Variants in NRG3 observed in about 807,000 individuals in gnomAD.
NRG3 encodes neuregulin 3, also known as pro-neuregulin-3, membrane-bound isoform.
Under a neutral mutation model 66.9 loss-of-function variants are expected in NRG3, and 31 were observed. The ratio of observed to expected loss-of-function variants is 0.46; its 90% CI spans 0.35 to 0.63. The LOEUF (loss-of-function observed/expected upper bound fraction) is 0.63. Among genes scored for constraint, NRG3 ranks in the 20% least tolerant of loss-of-function variants. The pLI is 0.00. For synonymous variants in NRG3, 393 were observed against 359.4 expected, an observed-to-expected ratio of 1.09 and a Z score of -1.06; for missense variants, 910 against 878.9, an observed-to-expected ratio of 1.04 and a Z score of -0.45.
chr10:81,963,797 G>T (rs2059620949), intron 1 of NRG3, among the ~76,000 whole-genome samples: 1 of 152,176 alleles, frequency 6.6e-6, no homozygotes, highest in South Asian at 2.1e-4. Context: ...TACATGCTTT[G>T]TTGCTGAAGG....
intron 2 of NRG3, among the ~76,000 whole-genome samples, chr10:82,428,904 T>C (rs1324648093): frequency 6.6e-6 from 1 of 151,988 alleles, no homozygotes; most frequent in Non-Finnish European, 1.5e-5. Context: ...GGTGTATATA[T>C]GTTTATATTA....
chr10:82,080,685 GTTTTC>G (rs1172729372), intron 1 of NRG3, among the ~76,000 whole-genome samples: 3 of 151,922 alleles, frequency 2.0e-5, no homozygotes, highest in East Asian at 1.9e-4. Flanking sequence ...CTTAGCCACA[GTTTTC>G]TTTTTCTTTT....
At chr10:82,616,266 C>T (rs920023842) in intron 2 of NRG3, among the ~76,000 whole-genome samples, 6 of 151,948 alleles carry the variant, frequency 3.9e-5, no homozygotes, top group African/African-American at 7.3e-5. Flanking sequence ...TTTTCCATGC[C>T]GAAGGAGGTA....
chr10:82,589,488 G>T (rs1380456228), intron 2 of NRG3, among the ~76,000 whole-genome samples: 1 of 152,158 alleles, frequency 6.6e-6, no homozygotes, highest in Admixed American at 6.5e-5. Flanking sequence ...GAAATATCAG[G>T]TGGGAAGCCT....
At chr10:81,974,304 A>G (rs1474055469) in intron 1 of NRG3, among the ~76,000 whole-genome samples, 1 of 152,010 alleles carries the variant, frequency 6.6e-6, no homozygotes, top group African/African-American at 2.4e-5. Flanking sequence ...TGAAGAAACA[A>G]CCTTAAAAAC....
chr10:82,177,856 C>T (rs1009436747), intron 1 of NRG3, among the ~76,000 whole-genome samples: 6 of 152,056 alleles, frequency 3.9e-5, no homozygotes, highest in African/African-American at 9.7e-5. Flanking sequence ...AATTAAAAAT[C>T]GGAACAGACC....
chr10:82,618,557 T>C (rs569497598), intron 2 of NRG3, among the ~76,000 whole-genome samples: 1 of 152,240 alleles, frequency 6.6e-6, no homozygotes, highest in South Asian at 2.1e-4. Flanking sequence ...TCATTAAGCA[T>C]AATAACGTGC....
intron 1 of NRG3, among the ~76,000 whole-genome samples, chr10:81,886,241 T>A (rs1183349012): frequency 6.6e-6 from 1 of 152,184 alleles, no homozygotes; most frequent in Admixed American, 6.5e-5. Flanking sequence ...TTGGTAGCAC[T>A]TCTGTCTTAA....
chr10:82,109,484 G>A (rs1352630703), intron 1 of NRG3, among the ~76,000 whole-genome samples: 1 of 151,080 alleles, frequency 6.6e-6, no homozygotes, highest in Admixed American at 6.6e-5. Context: ...AGATTCCAAG[G>A]TTTATAGAGG....
intron 2 of NRG3, among the ~76,000 whole-genome samples, chr10:82,476,296 C>T (rs1841777039): frequency 6.6e-6 from 1 of 152,120 alleles, no homozygotes; most frequent in South Asian, 2.1e-4. Context: ...AATAGTATGT[C>T]AGTTCCTCAA....
intron 2 of NRG3, among the ~76,000 whole-genome samples, chr10:82,380,781 C>A (rs1478955064): frequency 1.3e-5 from 2 of 152,160 alleles, no homozygotes; most frequent in African/African-American, 4.8e-5. Flanking sequence ...CATGTACCTA[C>A]ACTGTAACTA....
chr10:82,243,712 A>G (rs1423059628), intron 1 of NRG3, among the ~76,000 whole-genome samples: 1 of 152,170 alleles, frequency 6.6e-6, no homozygotes, highest in East Asian at 1.9e-4. Flanking sequence ...TCCCAAGTTA[A>G]TTTTTTAAAG....
In NRG3 at chr10:81,995,899, A is replaced by G. The variant is rs754555099; in HGVS notation, c.823+119736A>G. 3.3e-5 allele frequency among the ~76,000 whole-genome samples: 5 copies of G among 152,236 alleles called. No homozygotes were observed. In the East Asian group the frequency reaches 9.7e-4, roughly 29 times the overall value. On this transcript the variant is annotated intron_variant, in intron 1 of 8. Coordinates refer to ENST00000372141, the MANE Select transcript of NRG3 (RefSeq NM_001010848.4). ...GTTTTGTTTTTTGTTAAATTGGTCA[A>G]TGCCATGCAACTGTGGTCAGAGGGA...
At chr10:82,510,978 T>C (rs1434123114) in intron 2 of NRG3, among the ~76,000 whole-genome samples, 1 of 152,208 alleles carries the variant, frequency 6.6e-6, no homozygotes, top group South Asian at 2.1e-4. Context: ...CATGAGTGAA[T>C]GGATATAAGT....
At chr10:82,169,236 C>G (rs1020166604) in intron 1 of NRG3, among the ~76,000 whole-genome samples, 6 of 151,970 alleles carry the variant, frequency 3.9e-5, no homozygotes, top group Non-Finnish European at 7.4e-5. Flanking sequence ...GCTAGATGTA[C>G]TTAGGTTTGT....
intron 1 of NRG3, among the ~76,000 whole-genome samples, chr10:82,043,166 A>T (rs1018355865): frequency 2.6e-5 from 4 of 152,046 alleles, no homozygotes; most frequent in African/African-American, 9.7e-5. Context: ...GGACAGCTGC[A>T]TGGCAGAAAA....
chr10:82,358,816 G>C lies in NRG3; in HGVS notation c.901G>C (p.Asp301His). 1 of 1,614,180 alleles carries C rather than the reference G, an allele frequency of 6.2e-7. No homozygotes were observed. ...RDKDLAYCLN[D>H]GECFVIETLT... Reference sequence around the variant, plus strand: ...CAAGGACCTTGCATACTGTCTCAATGATGGCGAGTGCTTTGTGATCGAAAC... The same window carrying C: ...CAAGGACCTTGCATACTGTCTCAATCATGGCGAGTGCTTTGTGATCGAAAC... Residue 301 changes from aspartate (D) to histidine (H), a missense_variant, in exon 2 of 9, where the codon GAT becomes CAT. Transcript: ENST00000372141.
chr10:82,032,319 G>T (rs767123549), intron 1 of NRG3, among the ~76,000 whole-genome samples: 12 of 151,948 alleles, frequency 7.9e-5, no homozygotes, highest in Non-Finnish European at 1.6e-4. Flanking sequence ...TCTCTAACTA[G>T]AAAAGAGAGA....
chr10:82,575,435 CAAGG>C (rs2045972037), intron 2 of NRG3, among the ~76,000 whole-genome samples: 1 of 151,596 alleles, frequency 6.6e-6, no homozygotes, highest in African/African-American at 2.4e-5. Context: ...ATAGGGTGCA[CAAGG>C]CAGAATGGCA....
Sources: gnomAD v4.1 joint callset for allele counts (sites outside exome capture counted in the v4.1 genomes callset) on GRCh38, gnomAD v4.1.1 for gene constraint, MANE v1.5 for transcripts, NCBI Gene and HGNC (gene_info 2026-07-23, HGNC 2026-07-21) for gene names.